Variants in EGFLAM observed in about 807,000 individuals in gnomAD.
EGFLAM encodes the protein EGF like, fibronectin type III and laminin G domains, also known as pikachurin.
EGFLAM carries 79 observed loss-of-function variants against 113.1 expected under a neutral mutation model. The observed-to-expected ratio is 0.70, with a 90% confidence interval of 0.58 to 0.84. EGFLAM has a LOEUF of 0.84. Ranked by LOEUF, EGFLAM falls within the 40% of genes least tolerant of loss-of-function variation. EGFLAM has a pLI of 0.00. For missense variants in EGFLAM, 1,265 were observed against 1,291.6 expected (o/e 0.98, Z 0.32); for synonymous variants, 504 against 487.6 (o/e 1.03, Z -0.44).
chr5:38,396,266 G>C (rs1467656141), intron 6 of EGFLAM, among the ~76,000 whole-genome samples: 2 of 152,122 alleles, frequency 1.3e-5, no homozygotes, highest in Non-Finnish European at 2.9e-5. Context: ...AGGAGAGAGA[G>C]AGAGAGAGAG....
intron 20 of EGFLAM, among the ~76,000 whole-genome samples, chr5:38,458,735 C>T (rs1245542528): frequency 6.6e-6 from 1 of 152,142 alleles, no homozygotes. Flanking sequence ...AATACCAGCA[C>T]TTGGGGAGGC....
chr5:38,301,789 G>T (rs1758586266), intron 1 of EGFLAM, among the ~76,000 whole-genome samples: 1 of 152,142 alleles, frequency 6.6e-6, no homozygotes, highest in Non-Finnish European at 1.5e-5. Context: ...GTTACATTCT[G>T]AGAGTTTGGG....
intron 19 of EGFLAM, among the ~76,000 whole-genome samples, chr5:38,456,756 A>AT (rs139478607): frequency 0.027 from 4,159 of 152,176 alleles, 198 homozygotes; most frequent in African/African-American, 0.096. Flanking sequence ...ACTCATCCAG[A>AT]TTTTCTCTCG....
chr5:38,452,170 G>A (rs1742940237), intron 19 of EGFLAM, among the ~76,000 whole-genome samples: 2 of 151,594 alleles, frequency 1.3e-5, no homozygotes, highest in South Asian at 4.2e-4. Context: ...CCTAGTAGCT[G>A]GGATTATAGC....
chr5:38,411,899 A>G (rs1423230528), intron 10 of EGFLAM, among the ~76,000 whole-genome samples: 1 of 152,098 alleles, frequency 6.6e-6, no homozygotes, highest in Non-Finnish European at 1.5e-5. Context: ...TCCTGGGTTC[A>G]AACAATTCTG....
intron 1 of EGFLAM, among the ~76,000 whole-genome samples, chr5:38,327,322 A>G (rs1445309017): frequency 2.6e-5 from 4 of 152,206 alleles, no homozygotes; most frequent in Non-Finnish European, 5.9e-5. Context: ...ACCCACACCC[A>G]CATGTCTTTT....
chr5:38,459,852 G>A (rs1160311358), intron 20 of EGFLAM, among the ~76,000 whole-genome samples: 4 of 152,192 alleles, frequency 2.6e-5, no homozygotes, highest in Admixed American at 6.5e-5. Context: ...AGGCAGATCT[G>A]TGCCTCTCAG....
At chr5:38,306,614 A>G (rs1280045624) in intron 1 of EGFLAM, among the ~76,000 whole-genome samples, 1 of 152,216 alleles carries the variant, frequency 6.6e-6, no homozygotes, top group Admixed American at 6.5e-5. Context: ...CATTGTAGTT[A>G]CATGCGGAAT....
At chr5:38,394,502 C>T (rs1036958454) in intron 6 of EGFLAM, among the ~76,000 whole-genome samples, 4 of 151,768 alleles carry the variant, frequency 2.6e-5, no homozygotes, top group Admixed American at 6.6e-5. Context: ...CTGCGCCTCC[C>T]GGGTTCACGC....
intron 1 of EGFLAM, among the ~76,000 whole-genome samples, chr5:38,273,996 G>A (rs1757826164): frequency 6.6e-6 from 1 of 151,942 alleles, no homozygotes; most frequent in African/African-American, 2.4e-5. Flanking sequence ...AAAAGAATAA[G>A]TGACCAGAAT....
Position 38,272,448 on chromosome 5 carries a change from G to A in EGFLAM, c.97+13597G>A, listed in dbSNP as rs1252325933. ...GGTATGATTGAAAAGGTCAAGTTGC[G>A]GGAAAAGGATAAAGCTAGACCAGTC... On this transcript the variant is annotated intron_variant, in intron 1 of 21. Coordinates refer to ENST00000322350, the MANE Select transcript of EGFLAM (RefSeq NM_152403.4). Among the ~76,000 whole-genome samples, 9 of 152,200 alleles carry A rather than the reference G, an allele frequency of 5.9e-5. No individual in the cohort carries two copies. The South Asian group carries it at 1.2e-3, about 21-fold the overall frequency.
At chr5:38,358,446 CAAAA>C (rs34444620) in intron 5 of EGFLAM, among the ~76,000 whole-genome samples, 5 of 74,116 alleles carry the variant, frequency 6.7e-5, no homozygotes, top group Non-Finnish European at 9.5e-5. Context: ...GACTCCGTCT[CAAAA>C]AAAAAAAAAA....
At chr5:38,343,799 G>A (rs1340858880) in intron 3 of EGFLAM, among the ~76,000 whole-genome samples, 2 of 152,220 alleles carry the variant, frequency 1.3e-5, no homozygotes, top group Non-Finnish European at 2.9e-5. Flanking sequence ...GACTTGTGCG[G>A]TCAACTGTGA....
intron 21 of EGFLAM, 45 bp downstream of exon 21, chr5:38,463,056 TTCTTGTTAG>T: frequency 6.4e-7 from 1 of 1,573,366 alleles, no homozygotes; most frequent in Non-Finnish European, 8.7e-7. Context: ...GCCAGTGCTT[TTCTTGTTAG>T]TCTTCCATTT....
At chr5:38,306,982 C>A (rs77482693) in intron 1 of EGFLAM, among the ~76,000 whole-genome samples, 2,010 of 152,262 alleles carry the variant, frequency 0.013, 42 homozygotes, top group African/African-American at 0.045. Context: ...GGATCGCTAG[C>A]CCCGGCTGAG....
intron 1 of EGFLAM, among the ~76,000 whole-genome samples, chr5:38,286,884 C>G (rs375043132): frequency 1.6e-4 from 25 of 152,286 alleles, no homozygotes; most frequent in African/African-American, 6.0e-4. Flanking sequence ...CCAATCTAAA[C>G]AGACTGAGAG....
At chr5:38,460,269 T>C (rs553580142) in intron 20 of EGFLAM, among the ~76,000 whole-genome samples, 1 of 152,352 alleles carries the variant, frequency 6.6e-6, no homozygotes, top group East Asian at 1.9e-4. Context: ...TTTTAAGCCT[T>C]CCCAGTTGTT....
intron 5 of EGFLAM, among the ~76,000 whole-genome samples, chr5:38,359,645 A>G (rs1350691789): frequency 1.3e-5 from 2 of 152,238 alleles, no homozygotes; most frequent in African/African-American, 4.8e-5. Flanking sequence ...ACTGCGCTCC[A>G]GTCTGGGCGA....
At chr5:38,272,998 T>C (rs1193406816) in intron 1 of EGFLAM, among the ~76,000 whole-genome samples, 2 of 152,172 alleles carry the variant, frequency 1.3e-5, no homozygotes, top group African/African-American at 2.4e-5. Flanking sequence ...AAACATCTAT[T>C]TGAATAACTA....
Sources: allele counts gnomAD v4.1 joint callset (sites outside exome capture counted in the v4.1 genomes callset), GRCh38; gene constraint gnomAD v4.1.1; transcripts MANE v1.5; gene names NCBI Gene and HGNC (gene_info 2026-07-23, HGNC 2026-07-21).